Variants in CCSER1 observed in about 807,000 individuals in gnomAD.
CCSER1 encodes the protein serine-rich coiled-coil domain-containing protein 1.
Under a neutral mutation model 82.0 loss-of-function variants are expected in CCSER1, and 41 were observed. The observed-to-expected ratio is 0.50, with a 90% CI of 0.39 to 0.65. The LOEUF is 0.65. Among genes scored for constraint, CCSER1 ranks in the 30% least tolerant of loss-of-function variants. CCSER1 has a pLI of 0.00. For missense variants in CCSER1, 1,119 were observed against 1,064.2 expected (o/e 1.05, Z -0.72); for synonymous variants, 414 against 383.9 (o/e 1.08, Z -0.92).
chr4:91,175,433 C>T (rs887251022), intron 10 of CCSER1, among the ~76,000 whole-genome samples: 12 of 152,266 alleles, frequency 7.9e-5, no homozygotes, highest in Non-Finnish European at 1.3e-4. Flanking sequence ...GTTTACAGTC[C>T]CACCAACAGT....
chr4:90,181,970 T>A (rs1733807916), intron 1 of CCSER1, among the ~76,000 whole-genome samples: 1 of 152,130 alleles, frequency 6.6e-6, no homozygotes, highest in Admixed American at 6.6e-5. Flanking sequence ...GGATTTGGGA[T>A]ACAGTAAGAG....
intron 1 of CCSER1, among the ~76,000 whole-genome samples, chr4:90,276,882 TCTTGA>T (rs902676511): frequency 1.3e-5 from 2 of 152,182 alleles, no homozygotes; most frequent in African/African-American, 2.4e-5. Context: ...GAGATTGTGT[TCTTGA>T]CTTGACTCTC....
chr4:91,534,642 T>A (rs926060988), intron 10 of CCSER1, among the ~76,000 whole-genome samples: 1 of 152,040 alleles, frequency 6.6e-6, no homozygotes, highest in Admixed American at 6.6e-5. Context: ...TTGCTATTAT[T>A]AAGCTATGTG....
chr4:90,309,953 A>G (rs1477228394), intron 2 of CCSER1, among the ~76,000 whole-genome samples: 1 of 152,114 alleles, frequency 6.6e-6, no homozygotes, highest in Non-Finnish European at 1.5e-5. Context: ...CAAAGTAAGG[A>G]CTGTCTTTTA....
At chr4:91,379,485 G>T (rs1249592023) in intron 10 of CCSER1, among the ~76,000 whole-genome samples, 1 of 152,146 alleles carries the variant, frequency 6.6e-6, no homozygotes, top group Non-Finnish European at 1.5e-5. Context: ...CCTTGGGAGG[G>T]TGTATGTGTC....
rs543905385 is a variant in CCSER1 at position 91,048,316 on chromosome 4, A to G, written c.2173-37634A>G. ...AATAAAATATCAATAACAACTAAAC[A>G]AATTTCCTTCCCTTCATTTTTTTCC... is the stretch of plus-strand genomic sequence containing the variant. On this transcript the variant is annotated intron_variant, in intron 9 of 10. Transcript: ENST00000509176. Among the ~76,000 whole-genome samples the G allele has an allele frequency of 2.4e-3, 358 of 151,932 alleles. 1 individual carries two copies. The highest frequency in any genetic ancestry group is 8.3e-3 in the African/African-American group (344 of 41,530).
chr4:90,379,186 G>A (rs1433669852), intron 3 of CCSER1, among the ~76,000 whole-genome samples: 1 of 152,112 alleles, frequency 6.6e-6, no homozygotes, highest in Non-Finnish European at 1.5e-5. Context: ...AGCTCTTCAG[G>A]ACTGCTCTCT....
intron 1 of CCSER1, among the ~76,000 whole-genome samples, chr4:90,186,124 T>G (rs982316191): frequency 2.6e-5 from 4 of 152,034 alleles, no homozygotes; most frequent in Admixed American, 6.6e-5. Flanking sequence ...CACCAAGAAA[T>G]AATCTGGTTA....
At chr4:91,217,540 C>T (rs1737349791) in intron 10 of CCSER1, among the ~76,000 whole-genome samples, 1 of 151,102 alleles carries the variant, frequency 6.6e-6, no homozygotes, top group African/African-American at 2.4e-5. Flanking sequence ...GAGCTAGATA[C>T]AGAGTGCCGA....
At chr4:90,913,469 C>G (rs1035798104) in intron 8 of CCSER1, among the ~76,000 whole-genome samples, 1 of 152,096 alleles carries the variant, frequency 6.6e-6, no homozygotes, top group Non-Finnish European at 1.5e-5. Context: ...CCGGGCCTGC[C>G]CTACGAGAGC....
chr4:90,176,168 A>G (rs1446010924), intron 1 of CCSER1, among the ~76,000 whole-genome samples: 1 of 152,042 alleles, frequency 6.6e-6, no homozygotes, highest in Non-Finnish European at 1.5e-5. Context: ...AATGGTCAGA[A>G]TAGATGAGTG....
chr4:90,336,600 G>A (rs1246266384), intron 3 of CCSER1, among the ~76,000 whole-genome samples: 1 of 152,140 alleles, frequency 6.6e-6, no homozygotes, highest in Admixed American at 6.5e-5. Context: ...TTATCATTAT[G>A]TGAGAAGAAC....
intron 10 of CCSER1, among the ~76,000 whole-genome samples, chr4:91,340,846 T>C (rs1260489217): frequency 2.0e-5 from 3 of 152,176 alleles, no homozygotes; most frequent in African/African-American, 7.2e-5. Flanking sequence ...TTCGTTAAAA[T>C]AGAGCCAGTG....
At chr4:90,976,330 A>G (rs1033033185) in intron 9 of CCSER1, among the ~76,000 whole-genome samples, 3 of 151,370 alleles carry the variant, frequency 2.0e-5, no homozygotes, top group African/African-American at 7.3e-5. Flanking sequence ...AAGTGGAAAA[A>G]TGTTCACTTA....
intron 9 of CCSER1, among the ~76,000 whole-genome samples, chr4:90,934,407 A>G (rs994564333): frequency 1.3e-5 from 2 of 152,188 alleles, no homozygotes; most frequent in African/African-American, 4.8e-5. Context: ...ATTCAAATGT[A>G]AAGTGTCAAC....
intron 4 of CCSER1, among the ~76,000 whole-genome samples, chr4:90,410,032 G>T (rs567993073): frequency 9.2e-5 from 14 of 152,238 alleles, no homozygotes; most frequent in Admixed American, 2.0e-4. Context: ...AAGGGACAAA[G>T]AAGGCCATTA....
intron 1 of CCSER1, among the ~76,000 whole-genome samples, chr4:90,228,162 T>G (rs1198233655): frequency 1.6e-5 from 2 of 125,162 alleles, no homozygotes. Context: ...GCTCCACCTC[T>G]GGGGGCAGGG....
At chr4:91,298,102 A>G (rs931602723) in intron 10 of CCSER1, among the ~76,000 whole-genome samples, 1 of 152,070 alleles carries the variant, frequency 6.6e-6, no homozygotes, top group African/African-American at 2.4e-5. Context: ...ATGACAAATA[A>G]TAAAGAGTTT....
intron 5 of CCSER1, among the ~76,000 whole-genome samples, chr4:90,522,581 TG>T (rs1773269119): frequency 6.6e-6 from 1 of 152,112 alleles, no homozygotes; most frequent in African/African-American, 2.4e-5. Flanking sequence ...CTTTAGGAAA[TG>T]GGTTCTATTC....
Sources: gnomAD v4.1 joint callset for allele counts (sites outside exome capture counted in the v4.1 genomes callset) on GRCh38, gnomAD v4.1.1 for gene constraint, MANE v1.5 for transcripts, NCBI Gene and HGNC (gene_info 2026-07-23, HGNC 2026-07-21) for gene names.